The following NRG1 variants were observed in gnomAD, a reference collection of about 807,000 sequenced individuals.
NRG1 encodes the protein pro-neuregulin-1, membrane-bound isoform.
NRG1 carries 18 observed loss-of-function variants against 63.8 expected under a neutral mutation model. That is an observed-to-expected ratio of 0.28 (90% CI 0.19 to 0.42). The LOEUF is 0.42. Among genes scored for constraint, NRG1 ranks in the 10% least tolerant of loss-of-function variants. The pLI, the probability that NRG1 is intolerant of heterozygous loss-of-function variation, is 1.00. For missense variants in NRG1, 762 were observed against 814.7 expected (o/e 0.94, Z 0.79); for synonymous variants, 302 against 301.3 (o/e 1.00, Z -0.02).
intron 1 of NRG1, among the ~76,000 whole-genome samples, chr8:32,411,670 G>C: frequency 6.6e-6 from 1 of 152,018 alleles, no homozygotes; most frequent in East Asian, 1.9e-4. Context: ...TAATGGGGTT[G>C]TCTGGATAAA....
In NRG1 at chr8:31,978,574, C is replaced by T. The variant is rs139366727; in HGVS notation, c.37+339143C>T. ...TTAATTCATTTTGTGTGAGTTGGTA[C>T]TCTAAAATACAATAAGGCAGACAGC... On this transcript the variant is annotated intron_variant, in intron 1 of 10. Coordinates refer to the NRG1 transcript ENST00000519301. Among the ~76,000 whole-genome samples the T allele has an allele frequency of 4.6e-5, 7 of 152,156 alleles. No individual in the cohort carries two copies. In the East Asian group the frequency reaches 1.4e-3, roughly 29 times the overall value.
At chr8:32,146,188 C>G (rs57383552) in intron 1 of NRG1, among the ~76,000 whole-genome samples, 5,615 of 152,226 alleles carry the variant, frequency 0.037, 194 homozygotes, top group African/African-American at 0.087. Context: ...GAGGGAAGCT[C>G]TTTAACTATA....
intron 5 of NRG1, among the ~76,000 whole-genome samples, chr8:32,671,618 A>G (rs1428298924): frequency 6.6e-6 from 1 of 152,192 alleles, no homozygotes; most frequent in Non-Finnish European, 1.5e-5. Context: ...AATTTCTTCC[A>G]CCTTTTTCTT....
intron 11 of NRG1, among the ~76,000 whole-genome samples, chr8:32,762,017 C>T (rs1394098910): frequency 9.3e-6 from 1 of 107,280 alleles, no homozygotes; most frequent in East Asian, 2.8e-4. Flanking sequence ...CCAGCCTAGG[C>T]AACAGAGCAA....
chr8:32,654,212 T>A (rs1223028942), intron 5 of NRG1, among the ~76,000 whole-genome samples: 1 of 152,214 alleles, frequency 6.6e-6, no homozygotes, highest in East Asian at 1.9e-4. Flanking sequence ...AAAACTGTTT[T>A]TAGCATTTAT....
chr8:31,852,864 A>G lies in NRG1; in HGVS notation c.37+213433A>G, dbSNP rs199961538. Among the ~76,000 whole-genome samples the G allele has an allele frequency of 4.5e-3, 691 of 152,242 alleles. 20 individuals carry two copies. The East Asian group carries it at 0.071, about 16-fold the overall frequency. On this transcript the variant is annotated intron_variant, in intron 1 of 10. Transcript: ENST00000519301. ...TTTCCCAGCACCATTTATTAAATAG[A>G]GAATCCTTTCCCCATTGCTTGTTTT...
At chr8:32,627,489 T>A (rs1309156742) in intron 5 of NRG1, among the ~76,000 whole-genome samples, 3 of 152,154 alleles carry the variant, frequency 2.0e-5, no homozygotes, top group South Asian at 2.1e-4. Flanking sequence ...TTTATTTTTT[T>A]AATAGAGACC....
At chr8:31,645,148 C>T (rs28373439) in intron 1 of NRG1, among the ~76,000 whole-genome samples, 2,692 of 152,148 alleles carry the variant, frequency 0.018, 86 homozygotes, top group African/African-American at 0.06. Context: ...ATTGTTACTC[C>T]GCTTTTATGT....
At chr8:32,344,516 C>T (rs995633747) in intron 1 of NRG1, among the ~76,000 whole-genome samples, 2 of 150,714 alleles carry the variant, frequency 1.3e-5, no homozygotes, top group Non-Finnish European at 1.5e-5. Flanking sequence ...ACTGCAGCCC[C>T]GACTTCACAA....
At chr8:32,625,302 T>C (rs1436669091) in intron 5 of NRG1, among the ~76,000 whole-genome samples, 1 of 152,188 alleles carries the variant, frequency 6.6e-6, no homozygotes, top group Non-Finnish European at 1.5e-5. Context: ...AACCAATTAA[T>C]TGGGTCACTG....
chr8:31,786,805 G>A (rs1005608703), intron 1 of NRG1, among the ~76,000 whole-genome samples: 1 of 152,112 alleles, frequency 6.6e-6, no homozygotes, highest in Non-Finnish European at 1.5e-5. Context: ...TGGGTGGGCC[G>A]TCCTCCAGGA....
chr8:32,702,480 G>T (rs574247239), intron 5 of NRG1, among the ~76,000 whole-genome samples: 1 of 152,266 alleles, frequency 6.6e-6, no homozygotes, highest in East Asian at 1.9e-4. Flanking sequence ...TCTCTTGTCG[G>T]TATTACTATG....
chr8:32,696,576 T>A lies in NRG1; in HGVS notation c.503-31373T>A, dbSNP rs184696679. 2.1e-4 allele frequency among the ~76,000 whole-genome samples: 32 copies of A among 152,350 alleles called. No individual in the cohort carries two copies. The Middle Eastern group carries it at 0.01, about 49-fold the overall frequency. Reference sequence around the variant, plus strand: ...CACTTTTGCCTGCCCTTCTTACTTTTTTCACAAGTTAATTGAAGATGGAAG... The same window carrying A: ...CACTTTTGCCTGCCCTTCTTACTTTATTCACAAGTTAATTGAAGATGGAAG... On this transcript the variant is annotated intron_variant, in intron 5 of 11. Coordinates refer to ENST00000356819, the Ensembl canonical transcript of NRG1.
intron 11 of NRG1, among the ~76,000 whole-genome samples, chr8:32,761,556 G>A (rs998731584): frequency 1.5e-5 from 2 of 133,306 alleles, no homozygotes; most frequent in South Asian, 4.9e-4. Flanking sequence ...TTGCAAGTCC[G>A]CTGAATTTTA....
At chr8:31,832,425 A>T (rs926161252) in intron 1 of NRG1, among the ~76,000 whole-genome samples, 2 of 151,890 alleles carry the variant, frequency 1.3e-5, no homozygotes, top group Non-Finnish European at 1.5e-5. Flanking sequence ...ATGCCCAGTA[A>T]ATTTTTCATA....
intron 1 of NRG1, among the ~76,000 whole-genome samples, chr8:32,562,158 G>T (rs1171160153): frequency 6.6e-6 from 1 of 152,128 alleles, no homozygotes; most frequent in Non-Finnish European, 1.5e-5. Context: ...CCATTAACAA[G>T]AGAATTAAAG....
intron 1 of NRG1, among the ~76,000 whole-genome samples, chr8:32,287,968 G>A (rs779023819): frequency 6.6e-6 from 1 of 152,122 alleles, no homozygotes; most frequent in Non-Finnish European, 1.5e-5. Context: ...ATATAGCATT[G>A]TATTTTCAGT....
chr8:32,748,358 C>CACACACAG lies in NRG1; in HGVS notation c.691+5626_691+5627insCACACAGA, dbSNP rs748763782. ...GCGCGCGCACACACACACACACACA[C>CACACACAG]AGAGAGAGAGAGAGAGAGAGAGAGA... is the stretch of plus-strand genomic sequence containing the variant. On this transcript the variant is annotated intron_variant, in intron 7 of 11. Transcript: ENST00000356819. Among the ~76,000 whole-genome samples the CACACACAG allele has an allele frequency of 6.7e-3, 821 of 122,006 alleles. 7 individuals are homozygous for CACACACAG. The highest frequency in any genetic ancestry group is 0.01 in the Non-Finnish European group (601 of 57,744). The allele number at this position is 122,006 out of a possible 152,430, so 80.0% of individuals were successfully genotyped here.
chr8:32,490,304 C>CAAA (rs35216278), intron 1 of NRG1, among the ~76,000 whole-genome samples: 6 of 133,854 alleles, frequency 4.5e-5, no homozygotes, highest in African/African-American at 1.4e-4. Context: ...GACTCTGTCT[C>CAAA]AAAAAAAAAA....
Sources: allele counts gnomAD v4.1 joint callset (sites outside exome capture counted in the v4.1 genomes callset), GRCh38; gene constraint gnomAD v4.1.1; transcripts MANE v1.5; gene names NCBI Gene and HGNC (gene_info 2026-07-23, HGNC 2026-07-21).